FBXO11: variants seen among roughly 807,000 people sequenced by gnomAD.
FBXO11 encodes the protein F-box protein 11.
In FBXO11, 13 loss-of-function variants were observed where a neutral mutation model predicts 117.0. That is an observed-to-expected ratio of 0.11 (90% CI 0.07 to 0.18). The LOEUF (loss-of-function observed/expected upper bound fraction) is 0.18. Among genes scored for constraint, FBXO11 ranks in the 10% least tolerant of loss-of-function variants. The probability of loss-of-function intolerance (pLI) is 1.00; values close to 1 mark genes in which losing one functional copy is unlikely to be tolerated. For missense variants in FBXO11, 767 were observed against 1,164.4 expected (o/e 0.66, Z 4.97); for synonymous variants, 490 against 380.5 (o/e 1.29, Z -3.35).
At chr2:47,822,369 CGGTAA>C in intron 12 of FBXO11, 66 bp from the exon 13 acceptor site, 2 of 960,810 alleles carry the variant, frequency 2.1e-6, no homozygotes, top group Non-Finnish European at 3.2e-6. Context: ...TTTTATACAA[CGGTAA>C]GGCCCCTCAT....
At chr2:47,852,851 C>G (rs913214449) in intron 1 of FBXO11, among the ~76,000 whole-genome samples, 1 of 152,074 alleles carries the variant, frequency 6.6e-6, no homozygotes, top group Non-Finnish European at 1.5e-5. Context: ...ATGAGGAAAC[C>G]AGGCAAAGAG....
chr2:47,893,161 AT>A (rs1428627303), intron 1 of FBXO11, among the ~76,000 whole-genome samples: 10 of 151,928 alleles, frequency 6.6e-5, no homozygotes, highest in African/African-American at 1.7e-4. Context: ...CTCAAAAAAA[AT>A]AAATTAAATA....
At chr2:47,809,484 ATCTT>A (rs781442908) in intron 20 of FBXO11, 112 bp downstream of exon 20, 8 of 800,134 alleles carry the variant, frequency 1.0e-5, no homozygotes, top group African/African-American at 3.5e-5. Flanking sequence ...TTCAAAATCT[ATCTT>A]AAACTGTTGC....
At chr2:47,868,481 G>C (rs1323054244) in intron 1 of FBXO11, among the ~76,000 whole-genome samples, 2 of 152,116 alleles carry the variant, frequency 1.3e-5, no homozygotes, top group East Asian at 3.9e-4. Flanking sequence ...AAATTTTCTT[G>C]AAATATTTGT....
Position 47,900,593 on chromosome 2 carries a change from TATAC to T in FBXO11, c.232+4892_232+4895del, listed in dbSNP as rs1489177878. Among the ~76,000 whole-genome samples, 32 of 114,832 alleles carry T rather than the reference TATAC, an allele frequency of 2.8e-4. 4 individuals are homozygous for T. The highest frequency in any genetic ancestry group is 4.8e-4 in the Non-Finnish European group (24 of 49,704). 75.3% of individuals were successfully genotyped at this position (114,832 alleles called of 152,430 possible). A position where few individuals can be genotyped will look rare whatever the true frequency, so the allele number is the denominator to read the frequency against. On this transcript the variant is annotated intron_variant, in intron 1 of 22. Coordinates refer to ENST00000403359, the MANE Select transcript of FBXO11 (RefSeq NM_001190274.2). ...ACACGTATACACACATATATACGTA[TATAC>T]ACACGTATACACACGTATATACACA...
intron 14 of FBXO11, 67 bp downstream of exon 14, chr2:47,820,295 A>T: frequency 8.0e-7 from 1 of 1,248,492 alleles, no homozygotes. Context: ...TAAAAGCTTG[A>T]GGAGAAACCC....
intron 1 of FBXO11, among the ~76,000 whole-genome samples, chr2:47,855,867 G>A (rs1332408782): frequency 6.6e-6 from 1 of 151,662 alleles, no homozygotes; most frequent in Non-Finnish European, 1.5e-5. Context: ...AATGTTGCCT[G>A]GTGAAGCAAA....
rs1212440450 is a variant in FBXO11 at position 47,905,547 on chromosome 2, C to CGGA, written c.171_173dup (p.Pro66dup). On this transcript the variant is annotated inframe_insertion, in exon 1 of 23. Transcript: ENST00000403359. ...GCGGCGGAGGCGGCGGTGGCGGCGG[C>CGGA]GGAGGCTGCTGCTGCTGCTGCTGCT... 8.1e-7 allele frequency: 1 copy of CGGA among 1,241,844 alleles called. No individual in the cohort carries two copies. The highest frequency in any genetic ancestry group is 1.0e-6 in the Non-Finnish European group (1 of 995,526). The allele number at this position is 1,241,844 out of a possible 1,614,324, so 76.9% of individuals were successfully genotyped here.
chr2:47,848,459 C>T (rs1265521594), intron 1 of FBXO11, among the ~76,000 whole-genome samples: 2 of 152,200 alleles, frequency 1.3e-5, no homozygotes, highest in Non-Finnish European at 2.9e-5. Flanking sequence ...AAACCACCCA[C>T]CCCTCTGAGT....
intron 1 of FBXO11, among the ~76,000 whole-genome samples, chr2:47,852,448 A>G (rs2103661370): frequency 6.6e-6 from 1 of 152,362 alleles, no homozygotes; most frequent in African/African-American, 2.4e-5. Flanking sequence ...CAAATCAAGT[A>G]ATCACCCGAC....
In FBXO11 at chr2:47,807,923, A is replaced by G. The variant is rs942110474; in HGVS notation, c.*195T>C. On this transcript the variant is annotated 3_prime_UTR_variant, in exon 23 of 23. Transcript: ENST00000403359. ...TTTACACAGTAATGCTAAAACACCC[A>G]GCTTTGAGATCCTGAGTCAATATAT... The G allele has an allele frequency of 1.8e-6, 1 of 544,890 alleles. No homozygotes were observed. The highest frequency in any genetic ancestry group is 3.3e-6 in the Non-Finnish European group (1 of 307,616). The allele number at this position is 544,890 out of a possible 1,614,324, so 33.8% of individuals were successfully genotyped here.
rs1043165750 is a variant in FBXO11, at chr2:47,877,625, G to A, written c.232+27864C>T. On this transcript the variant is annotated intron_variant, in intron 1 of 22. Transcript: ENST00000403359. Reference sequence around the variant, plus strand: ...CTTTGTGTGCTTACCTTACCCTAACGATTTTTCATTTTCTCCATCTCTCAC... The same window carrying A: ...CTTTGTGTGCTTACCTTACCCTAACAATTTTTCATTTTCTCCATCTCTCAC... 1.3e-5 allele frequency among the ~76,000 whole-genome samples: 2 copies of A among 151,924 alleles called. 1 individual carries two copies. The highest frequency in any genetic ancestry group is 6.3e-3 in the Middle Eastern group (2 of 316).
At chr2:47,868,577 G>A (rs964225212) in intron 1 of FBXO11, among the ~76,000 whole-genome samples, 8 of 152,024 alleles carry the variant, frequency 5.3e-5, no homozygotes, top group Non-Finnish European at 8.8e-5. Context: ...TACTTTAATC[G>A]CCCACATTCC....
intron 13 of FBXO11, among the ~76,000 whole-genome samples, chr2:47,821,497 C>A (rs1464654708): frequency 6.6e-6 from 1 of 152,020 alleles, no homozygotes; most frequent in African/African-American, 2.4e-5. Context: ...GTAGTCCCAG[C>A]TACTTGGGAG....
chr2:47,862,072 C>G (rs1423513130), intron 1 of FBXO11, among the ~76,000 whole-genome samples: 2 of 152,080 alleles, frequency 1.3e-5, no homozygotes, highest in African/African-American at 4.8e-5. Flanking sequence ...GCTACCATGC[C>G]TGGCTAATTT....
At chr2:47,888,703 A>G in intron 1 of FBXO11, 1 of 977,704 alleles carries the variant, frequency 1.0e-6, no homozygotes, top group Non-Finnish European at 1.2e-6. Flanking sequence ...ATGTTTTACA[A>G]ATCTTATTGC....
intron 1 of FBXO11, among the ~76,000 whole-genome samples, chr2:47,843,431 CTT>C (rs201381675): frequency 6.2e-4 from 86 of 138,702 alleles, no homozygotes; most frequent in Admixed American, 7.3e-4. Context: ...TGTAGTTAAT[CTT>C]TTTTTTTTTT....
chr2:47,811,885 G>A (rs1670639399), intron 18 of FBXO11, among the ~76,000 whole-genome samples: 1 of 152,194 alleles, frequency 6.6e-6, no homozygotes, highest in Admixed American at 6.5e-5. Context: ...GGAAGTACAG[G>A]TGTGAGCCAC....
rs114020212 is a variant in FBXO11, at chr2:47,896,831, A to G, written c.232+8658T>C. Among the ~76,000 whole-genome samples the G allele has an allele frequency of 1.7e-3, 266 of 152,328 alleles. 1 individual carries two copies. The highest frequency in any genetic ancestry group is 6.0e-3 in the African/African-American group (249 of 41,582). The stretch of plus-strand genomic sequence containing the variant: ...TATATGAAATAAAGTGAGTGAGTCT[A>G]TAATTTCCTTTACCATAAGAACACT... On this transcript the variant is annotated intron_variant, in intron 1 of 22. Coordinates refer to ENST00000403359, the MANE Select transcript of FBXO11 (RefSeq NM_001190274.2).
Sources: allele counts gnomAD v4.1 joint callset (sites outside exome capture counted in the v4.1 genomes callset), GRCh38; gene constraint gnomAD v4.1.1; transcripts MANE v1.5; gene names NCBI Gene and HGNC (gene_info 2026-07-23, HGNC 2026-07-21).